IGDCC4: variants seen among roughly 807,000 people sequenced by gnomAD.
The protein encoded by IGDCC4 is likely ortholog of mouse neighbor of Punc E11.
Under a neutral mutation model 116.6 loss-of-function variants are expected in IGDCC4, and 72 were observed. The observed-to-expected ratio is 0.62, with a 90% confidence interval of 0.51 to 0.75. The LOEUF is 0.75. Ranked by LOEUF, IGDCC4 falls within the 30% of genes least tolerant of loss-of-function variation. The pLI is 0.00. For synonymous variants in IGDCC4, 709 were observed against 719.9 expected (o/e 0.98, Z 0.24); for missense variants, 1,501 against 1,662.4 (o/e 0.90, Z 1.69).
intron 1 of IGDCC4, among the ~76,000 whole-genome samples, chr15:65,417,538 C>T (rs2063155675): frequency 6.6e-6 from 1 of 152,208 alleles, no homozygotes; most frequent in Non-Finnish European, 1.5e-5. Flanking sequence ...GATTTAGACA[C>T]CTCTCCTTTT....
At position 65,384,123 on chromosome 15, in the gene IGDCC4, G is replaced by C; in HGVS notation, c.3639C>G (p.Leu1213=). The change falls in exon 20 of 20, where the codon CTC becomes CTG. Residue 1213 remains leucine, a synonymous_variant. Coordinates refer to ENST00000352385, the MANE Select transcript of IGDCC4 (RefSeq NM_020962.3). This position sits in a 1 kb window ranked among gnomAD's most constrained non-coding sequence, Gnocchi z 4.9. ...TCTCCTCTAGCACCTCGCCTGGCTGGAGGTCCGGGTAGGAGCAGGAAGCAC... is the reference window on the plus strand; with the variant it reads ...TCTCCTCTAGCACCTCGCCTGGCTGCAGGTCCGGGTAGGAGCAGGAAGCAC... ...AASASCSYPD[L]QPGEVLEETP... is the part of the protein sequence containing the mutation. 1 of 1,613,980 alleles carries C rather than the reference G, an allele frequency of 6.2e-7. No individual in the cohort carries two copies. Among genetic ancestry groups the C allele is most frequent in the African/African-American group, 1.3e-5 (1 of 75,044 alleles).
intron 1 of IGDCC4, 38 bp from the exon 2 acceptor site, chr15:65,411,408 C>T: frequency 6.8e-7 from 1 of 1,470,454 alleles, no homozygotes. Context: ...CAGTGTATGT[C>T]CCCCCACCTC....
chr15:65,422,727 C>A, intron 1 of IGDCC4, 66 bp downstream of exon 1: 2 of 1,239,864 alleles, frequency 1.6e-6, no homozygotes, highest in South Asian at 2.0e-5. Flanking sequence ...CAGCCCGATG[C>A]AGACCAGGGC....
chr15:65,413,427 C>A (rs1259994709), intron 1 of IGDCC4, among the ~76,000 whole-genome samples: 1 of 152,162 alleles, frequency 6.6e-6, no homozygotes, highest in Non-Finnish European at 1.5e-5. Context: ...CCAGAGGAAC[C>A]TACAGACCCC....
At chr15:65,385,194 G>A (rs2091442895) in intron 18 of IGDCC4, 79 bp from the exon 19 acceptor site, 1 of 1,432,728 alleles carries the variant, frequency 7.0e-7, no homozygotes, top group African/African-American at 1.4e-5. Flanking sequence ...GAGGGAATTG[G>A]GATGGGCCGC....
At position 65,395,626 on chromosome 15, in the gene IGDCC4, T is replaced by C. The variant is rs537987409; in HGVS notation, c.1411+124A>G. On this transcript the variant is annotated intron_variant, in intron 7 of 19. Coordinates refer to ENST00000352385, the MANE Select transcript of IGDCC4 (RefSeq NM_020962.3). Reference sequence around the variant, plus strand: ...TATGCGGGTCTCTCCTATGGGCTCCTACCCCAGTCCATCCTTGCCGCAGAG... The same window carrying C: ...TATGCGGGTCTCTCCTATGGGCTCCCACCCCAGTCCATCCTTGCCGCAGAG... The C allele has an allele frequency of 3.9e-5, 44 of 1,116,910 alleles. No homozygotes were observed. In the South Asian group the frequency reaches 7.3e-4, roughly 18 times the overall value. 69.2% of individuals were successfully genotyped at this position (1,116,910 alleles called of 1,614,324 possible).
chr15:65,394,821 G>A (rs2062904768), intron 8 of IGDCC4, among the ~76,000 whole-genome samples: 1 of 152,186 alleles, frequency 6.6e-6, no homozygotes, highest in South Asian at 2.1e-4. Flanking sequence ...TGGCACATAG[G>A]TGTCAGGGAG....
Position 65,384,424 on chromosome 15 carries a change from T to A in IGDCC4, c.3343-5A>T. ...TGACTTCTTCCTCCCATTGCCCTGA[T>A]CAGAGCAGAGAACACAAAGACAAAG... On this transcript the variant is annotated splice_polypyrimidine_tract_variant and splice_region_variant and intron_variant, in intron 19 of 19. Transcript: ENST00000352385. This position sits in a 1 kb window ranked among gnomAD's most constrained non-coding sequence, Gnocchi z 4.9. 2 of 1,503,516 alleles carry A rather than the reference T, an allele frequency of 1.3e-6. No individual in the cohort carries two copies. Among genetic ancestry groups the A allele is most frequent in the Non-Finnish European group, 1.8e-6 (2 of 1,131,226 alleles). The allele number at this position is 1,503,516 out of a possible 1,614,324, so 93.1% of individuals were successfully genotyped here.
intron 1 of IGDCC4, among the ~76,000 whole-genome samples, chr15:65,416,953 T>A (rs2063150782): frequency 6.6e-6 from 1 of 152,026 alleles, no homozygotes; most frequent in African/African-American, 2.4e-5. Flanking sequence ...AGTGGAGGCC[T>A]GGCGTGAGTT....
intron 11 of IGDCC4, 34 bp from the exon 12 acceptor site, chr15:65,392,015 G>T: frequency 6.4e-7 from 1 of 1,573,762 alleles, no homozygotes; most frequent in East Asian, 2.3e-5. Context: ...TGGCTAGGGG[G>T]ACATCTGGGG....
chr15:65,384,027 C>A lies in IGDCC4; in HGVS notation c.3735G>T (p.Pro1245=), dbSNP rs368785613. The A allele has an allele frequency of 5.0e-6, 8 of 1,594,108 alleles. No homozygotes were observed. Among genetic ancestry groups the A allele is most frequent in the East Asian group, 4.5e-5 (2 of 44,440 alleles). ...LGASPGLPRS[P]VSSSA ...GGAAGAGCTAGGCAGAGGAGGAGACCGGGGATCTGGGCAGGCCTGGGCTGG... is the reference window on the plus strand; with the variant it reads ...GGAAGAGCTAGGCAGAGGAGGAGACAGGGGATCTGGGCAGGCCTGGGCTGG... Residue 1245 remains proline, a synonymous_variant, in exon 20 of 20, where the codon CCG becomes CCT. Coordinates refer to ENST00000352385, the MANE Select transcript of IGDCC4 (RefSeq NM_020962.3). The surrounding 1 kb of genome is among the most constrained non-coding windows in gnomAD (Gnocchi z 4.9).
chr15:65,385,871 C>T lies in IGDCC4; in HGVS notation c.3140G>A (p.Gly1047Asp). The T allele has an allele frequency of 6.2e-7, 1 of 1,612,912 alleles. No individual in the cohort carries two copies. Among genetic ancestry groups the T allele is most frequent in the Non-Finnish European group, 8.5e-7 (1 of 1,180,036 alleles). ...EDRAEVHSLM[G>D]GGVSEGRSHS... ...ACTCCGGCCTTCAGAAACACCGCCA[C>T]CCATAAGGCTGTGCACTTCAGCCCT... The change falls in exon 18 of 20, where the codon GGT (glycine) becomes GAT (aspartate). Residue 1047 changes from glycine to aspartate, a missense_variant. This residue lies in a region of IGDCC4 where 368 missense variants were observed against 355.6 expected (regional missense o/e 1.03). Coordinates refer to ENST00000352385, the MANE Select transcript of IGDCC4 (RefSeq NM_020962.3).
rs1273222314 is a variant in IGDCC4 at position 65,420,352 on chromosome 15, C to T, written c.70+2441G>A. 2.0e-5 allele frequency among the ~76,000 whole-genome samples: 3 copies of T among 152,330 alleles called. No individual in the cohort carries two copies. In the East Asian group the frequency reaches 5.8e-4, roughly 29 times the overall value. The stretch of plus-strand genomic sequence containing the variant: ...CTGGAATGCAGCCACTCCAGCCCAA[C>T]CCCAACTGCCACTATGCTAGCTGCC... On this transcript the variant is annotated intron_variant, in intron 1 of 19. Coordinates refer to ENST00000352385, the MANE Select transcript of IGDCC4 (RefSeq NM_020962.3).
chr15:65,401,793 G>A (rs1355954306), intron 4 of IGDCC4, among the ~76,000 whole-genome samples: 1 of 152,326 alleles, frequency 6.6e-6, no homozygotes, highest in South Asian at 2.1e-4. Context: ...CAGATGGTGA[G>A]CAGAGAAGGC....
intron 3 of IGDCC4, among the ~76,000 whole-genome samples, chr15:65,409,208 T>A (rs1406024788): frequency 6.6e-6 from 1 of 152,044 alleles, no homozygotes; most frequent in African/African-American, 2.4e-5. Flanking sequence ...ACCCCGAAGT[T>A]TCTCCTACAA....
rs2091421947 is a variant in IGDCC4 at position 65,383,588 on chromosome 15, A to T, written c.*421T>A. The T allele has an allele frequency of 6.3e-6, 1 of 157,954 alleles. No individual in the cohort carries two copies. Among genetic ancestry groups the T allele is most frequent in the Admixed American group, 6.5e-5 (1 of 15,434 alleles). 9.8% of individuals were successfully genotyped at this position (157,954 alleles called of 1,614,324 possible). ...CTGGGACTGTCTTTGTCAGACAGGCATTGGAGACACTCTCAGAGTGTGTAA... is the reference window on the plus strand; with the variant it reads ...CTGGGACTGTCTTTGTCAGACAGGCTTTGGAGACACTCTCAGAGTGTGTAA... On this transcript the variant is annotated 3_prime_UTR_variant, in exon 20 of 20. Transcript: ENST00000352385.
chr15:65,401,943 C>T (rs1490864401), intron 4 of IGDCC4, among the ~76,000 whole-genome samples: 6 of 145,668 alleles, frequency 4.1e-5, no homozygotes, highest in Non-Finnish European at 9.1e-5. Context: ...GCACAGAAAG[C>T]AGAGAGGGAC....
At chr15:65,387,958 A>G (rs2091474294) in intron 16 of IGDCC4, among the ~76,000 whole-genome samples, 1 of 152,168 alleles carries the variant, frequency 6.6e-6, no homozygotes, top group African/African-American at 2.4e-5. Context: ...AAAAAATACA[A>G]TAATTGGCTG....
chr15:65,410,941 G>A, intron 2 of IGDCC4, 79 bp downstream of exon 2: 3 of 1,156,348 alleles, frequency 2.6e-6, no homozygotes, highest in South Asian at 1.5e-5. Flanking sequence ...ATTTGTGCAA[G>A]TAACTAACTG....
Sources: allele counts gnomAD v4.1 joint callset (sites outside exome capture counted in the v4.1 genomes callset), GRCh38; gene constraint gnomAD v4.1.1; regional missense constraint gnomAD v4.1.1; non-coding constraint Gnocchi (gnomAD v3.1); transcripts MANE v1.5; gene names NCBI Gene and HGNC (gene_info 2026-07-23, HGNC 2026-07-21).